ADARB2: variants seen among roughly 807,000 people sequenced by gnomAD.
ADARB2 encodes the protein adenosine deaminase RNA specific B2 (inactive), also known as inactive double-stranded RNA-specific editase B2.
In ADARB2, 25 loss-of-function variants were observed where a neutral mutation model predicts 62.2. That is an observed-to-expected ratio of 0.40 (90% confidence interval 0.29 to 0.56). The LOEUF is 0.56. Ranked by LOEUF, ADARB2 falls within the 20% of genes least tolerant of loss-of-function variation. ADARB2 has a pLI of 0.43. For synonymous variants in ADARB2, 572 were observed against 500.8 expected (o/e 1.14, Z -1.90); for missense variants, 1,071 against 1,077.4 (o/e 0.99, Z 0.08).
At chr10:1,595,522 C>A (rs1231915207) in intron 1 of ADARB2, among the ~76,000 whole-genome samples, 3 of 152,168 alleles carry the variant, frequency 2.0e-5, no homozygotes, top group African/African-American at 7.2e-5. Flanking sequence ...CTGGTCGGAA[C>A]CATGGCTGCC....
At chr10:1,294,723 C>T (rs1163306917) in intron 3 of ADARB2, among the ~76,000 whole-genome samples, 1 of 152,176 alleles carries the variant, frequency 6.6e-6, no homozygotes, top group African/African-American at 2.4e-5. Flanking sequence ...GATGGAATTC[C>T]AGTCAAGCCA....
intron 8 of ADARB2, among the ~76,000 whole-genome samples, chr10:1,194,528 T>TCTAC (rs35987839): frequency 6.6e-6 from 1 of 151,578 alleles, no homozygotes; most frequent in Non-Finnish European, 1.5e-5. Flanking sequence ...ATCTATCTAA[T>TCTAC]CTATCTATCT....
intron 1 of ADARB2, among the ~76,000 whole-genome samples, chr10:1,496,784 G>GTCA (rs1174090811): frequency 3.3e-5 from 5 of 151,716 alleles, no homozygotes; most frequent in Admixed American, 1.3e-4. Context: ...CATCATCACC[G>GTCA]TCATCATCAT....
chr10:1,314,292 G>A (rs181952432), intron 3 of ADARB2, among the ~76,000 whole-genome samples: 23 of 152,168 alleles, frequency 1.5e-4, no homozygotes, highest in Admixed American at 1.2e-3. Flanking sequence ...ATCTCCCCTC[G>A]CAGGTCACCA....
intron 3 of ADARB2, among the ~76,000 whole-genome samples, chr10:1,362,776 G>A (rs1267617464): frequency 6.6e-6 from 1 of 152,204 alleles, no homozygotes; most frequent in Non-Finnish European, 1.5e-5. Flanking sequence ...TGCAGACAGA[G>A]GCGCCCTGGC....
chr10:1,278,520 G>A lies in ADARB2; in HGVS notation c.1078-7451C>T, dbSNP rs532367521. Among the ~76,000 whole-genome samples the A allele has an allele frequency of 5.9e-5, 9 of 151,758 alleles. No homozygotes were observed. The South Asian group carries it at 1.9e-3, about 32-fold the overall frequency. On this transcript the variant is annotated intron_variant, in intron 3 of 9. Coordinates refer to ENST00000381312, the MANE Select transcript of ADARB2 (RefSeq NM_018702.4). ...TTCCACTCATAAGTGAGAACATGTG[G>A]TATTTGGCTTTTTCTGTTAATTCGT...
chr10:1,499,456 A>T (rs941000909), intron 1 of ADARB2, among the ~76,000 whole-genome samples: 1 of 151,786 alleles, frequency 6.6e-6, no homozygotes, highest in South Asian at 2.1e-4. Flanking sequence ...TCGCTCACTC[A>T]TTACTCACTC....
intron 5 of ADARB2, chr10:1,240,313 T>TTTACTTCCCCCTGCCTCCTGGTGC (rs1564232281): frequency 3.1e-5 from 4 of 129,596 alleles, no homozygotes; most frequent in Middle Eastern, 3.9e-3. Context: ...CCTCCCGGTG[T>TTTACTTCCCCCTGCCTCCTGGTGC]TTACTCCCCT....
Position 1,297,305 on chromosome 10 carries a change from G to A in ADARB2, c.1078-26236C>T, listed in dbSNP as rs773213835. 5.0e-4 allele frequency among the ~76,000 whole-genome samples: 76 copies of A among 152,180 alleles called. 1 individual carries two copies. The highest frequency in any genetic ancestry group is 1.6e-4 in the Non-Finnish European group (11 of 68,030). On this transcript the variant is annotated intron_variant, in intron 3 of 9. Coordinates refer to ENST00000381312, the MANE Select transcript of ADARB2 (RefSeq NM_018702.4). ...CGTCAGCCGTGGTTATGGACCCGCAGGTGTTATGTTTCTTCACTGCAACTG... is the reference window on the plus strand; with the variant it reads ...CGTCAGCCGTGGTTATGGACCCGCAAGTGTTATGTTTCTTCACTGCAACTG...
Position 1,363,012 on chromosome 10 carries a change from C to A in ADARB2, c.1077+16G>T. On this transcript the variant is annotated intron_variant, in intron 3 of 9. Coordinates refer to ENST00000381312, the MANE Select transcript of ADARB2 (RefSeq NM_018702.4). ...CCAGCGCCGCCCGTTCCCCCTGCAC[C>A]CGCCGCGCCCCTCACCTGCGGCATT... 2.3e-6 allele frequency: 3 copies of A among 1,332,194 alleles called. No homozygotes were observed. The highest frequency in any genetic ancestry group is 2.9e-6 in the Non-Finnish European group (3 of 1,038,526). 82.5% of individuals were successfully genotyped at this position (1,332,194 alleles called of 1,614,324 possible).
chr10:1,665,715 C>A (rs898402141), intron 1 of ADARB2, among the ~76,000 whole-genome samples: 1 of 152,236 alleles, frequency 6.6e-6, no homozygotes, highest in African/African-American at 2.4e-5. Context: ...AGTGATGGCA[C>A]AGGCCGGGGT....
chr10:1,521,877 G>A (rs968291074), intron 1 of ADARB2, among the ~76,000 whole-genome samples: 1 of 144,424 alleles, frequency 6.9e-6, no homozygotes, highest in Non-Finnish European at 1.5e-5. Flanking sequence ...AAGTCTCATA[G>A]CTCCCTAGAA....
intron 1 of ADARB2, among the ~76,000 whole-genome samples, chr10:1,603,793 C>T (rs1214675666): frequency 2.0e-5 from 3 of 151,230 alleles, no homozygotes; most frequent in Non-Finnish European, 2.9e-5. Flanking sequence ...AATATACAGT[C>T]ATATATATTT....
chr10:1,389,507 C>CAT (rs1481666976), intron 1 of ADARB2, among the ~76,000 whole-genome samples: 5 of 152,248 alleles, frequency 3.3e-5, no homozygotes, highest in African/African-American at 9.6e-5. Context: ...GAAGACACTA[C>CAT]AAAGACATAC....
At chr10:1,217,671 T>C (rs1321768396) in intron 6 of ADARB2, among the ~76,000 whole-genome samples, 5 of 152,242 alleles carry the variant, frequency 3.3e-5, no homozygotes, top group Admixed American at 6.5e-5. Context: ...CTGTGTAACC[T>C]TGGGAAAGTG....
intron 1 of ADARB2, among the ~76,000 whole-genome samples, chr10:1,484,983 T>C (rs546780771): frequency 6.6e-6 from 1 of 152,240 alleles, no homozygotes; most frequent in South Asian, 2.1e-4. Flanking sequence ...GGTATGTGTC[T>C]ATGTCGGCAT....
rs532023720 is a variant in ADARB2 at position 1,257,128 on chromosome 10, G to A, written c.1192+13827C>T. On this transcript the variant is annotated intron_variant, in intron 4 of 9. Coordinates refer to ENST00000381312, the MANE Select transcript of ADARB2 (RefSeq NM_018702.4). ...TGTGTTCAGGCCCTGTGAGCTCCACGCCCTCTCTGCTGACCTCTAATACTT... is the reference window on the plus strand; with the variant it reads ...TGTGTTCAGGCCCTGTGAGCTCCACACCCTCTCTGCTGACCTCTAATACTT... Among the ~76,000 whole-genome samples, 155 of 152,166 alleles carry A rather than the reference G, an allele frequency of 1.0e-3. 2 individuals are homozygous for A. The highest frequency in any genetic ancestry group is 2.1e-3 in the African/African-American group (86 of 41,430).
chr10:1,632,606 GT>G (rs1833857342), intron 1 of ADARB2, among the ~76,000 whole-genome samples: 1 of 152,208 alleles, frequency 6.6e-6, no homozygotes, highest in Non-Finnish European at 1.5e-5. Flanking sequence ...TCCAAGTCTG[GT>G]GAGACTAGAG....
At chr10:1,339,540 TAAAC>T (rs1171372583) in intron 3 of ADARB2, among the ~76,000 whole-genome samples, 1 of 152,210 alleles carries the variant, frequency 6.6e-6, no homozygotes, top group Non-Finnish European at 1.5e-5. Flanking sequence ...TAAAAACAGA[TAAAC>T]AAAATCAAAC....
Sources: gnomAD v4.1 joint callset for allele counts (sites outside exome capture counted in the v4.1 genomes callset) on GRCh38, gnomAD v4.1.1 for gene constraint, MANE v1.5 for transcripts, NCBI Gene and HGNC (gene_info 2026-07-23, HGNC 2026-07-21) for gene names.